The following PEBP4 variants were observed in gnomAD, a reference collection of about 807,000 sequenced individuals.
The protein encoded by PEBP4 is phosphatidylethanolamine binding protein 4, also known as phosphatidylethanolamine-binding protein 4.
In PEBP4, 22 loss-of-function variants were observed where a neutral mutation model predicts 23.9. The observed-to-expected ratio is 0.92, with a 90% CI of 0.66 to 1.31. The LOEUF is 1.31. Among genes scored for constraint, PEBP4 ranks in the 40% most tolerant of loss-of-function variants. The pLI is 0.00. For missense variants in PEBP4, 324 were observed against 281.7 expected, an observed-to-expected ratio of 1.15 and a Z score of -1.07; for synonymous variants, 112 against 99.3, an observed-to-expected ratio of 1.13 and a Z score of -0.76.
At chr8:22,779,082 G>T (rs563944833) in intron 4 of PEBP4, among the ~76,000 whole-genome samples, 1 of 146,344 alleles carries the variant, frequency 6.8e-6, no homozygotes, top group East Asian at 2.2e-4. Context: ...GGGAGGTGGG[G>T]GAGGAGGGGG....
chr8:22,890,275 A>G (rs1808467116), intron 3 of PEBP4, among the ~76,000 whole-genome samples: 1 of 152,248 alleles, frequency 6.6e-6, no homozygotes, highest in Non-Finnish European at 1.5e-5. Context: ...AGCTGCAGAC[A>G]TCAGTTCAGT....
At chr8:22,938,066 T>C (rs1261053812) in intron 1 of PEBP4, among the ~76,000 whole-genome samples, 2 of 151,980 alleles carry the variant, frequency 1.3e-5, no homozygotes, top group East Asian at 1.9e-4. Context: ...GCAGCAAAAG[T>C]AGACTGACAA....
chr8:22,939,671 G>A (rs1809583616), intron 1 of PEBP4, among the ~76,000 whole-genome samples: 1 of 151,718 alleles, frequency 6.6e-6, no homozygotes, highest in African/African-American at 2.4e-5. Flanking sequence ...GGAATTCATG[G>A]TGGCAATGAT....
Position 22,938,202 on chromosome 8 carries a change from G to A in PEBP4, c.145-10482C>T, listed in dbSNP as rs117786199. 3.5e-4 allele frequency among the ~76,000 whole-genome samples: 53 copies of A among 152,072 alleles called. 1 individual carries two copies. The East Asian group carries it at 6.4e-3, about 18-fold the overall frequency. On this transcript the variant is annotated intron_variant, in intron 1 of 1. Transcript: ENST00000522278. ...ACTGGTGTTCTCTAGAACCCCCTTC[G>A]ACAACACTGGCCACTCCGTCCTCTT...
At chr8:22,758,380 A>G (rs1340944773) in intron 4 of PEBP4, among the ~76,000 whole-genome samples, 1 of 152,212 alleles carries the variant, frequency 6.6e-6, no homozygotes, top group African/African-American at 2.4e-5. Flanking sequence ...TGGGCCACAT[A>G]TGGTTTTGGT....
chr8:22,729,507 G>A (rs189273185), intron 4 of PEBP4, among the ~76,000 whole-genome samples: 314 of 152,390 alleles, frequency 2.1e-3, no homozygotes, highest in African/African-American at 7.1e-3. Flanking sequence ...GAGCTGCAGT[G>A]GGTGGAAAGG....
At chr8:22,836,165 T>C (rs554021935) in intron 3 of PEBP4, among the ~76,000 whole-genome samples, 4 of 152,346 alleles carry the variant, frequency 2.6e-5, no homozygotes, top group Admixed American at 2.6e-4. Context: ...AAGATGGAGA[T>C]AATAATCAAA....
intron 4 of PEBP4, among the ~76,000 whole-genome samples, chr8:22,778,384 A>AATTTTTT (rs749969514): frequency 6.8e-6 from 1 of 147,308 alleles, no homozygotes. Flanking sequence ...CAGAGCTTGA[A>AATTTTTT]CTTTTTTTTT....
intron 4 of PEBP4, among the ~76,000 whole-genome samples, chr8:22,808,318 T>G (rs1806546696): frequency 6.6e-6 from 1 of 152,218 alleles, no homozygotes; most frequent in African/African-American, 2.4e-5. Context: ...TCTATCCCTC[T>G]ATCCATTCAC....
At position 22,855,017 on chromosome 8, in the gene PEBP4, CACACACACACACACACACACACACACAT is replaced by C. The variant is rs1392170017; in HGVS notation, c.259-37310_259-37283del. ...GTATGCACGCACACACACACACACA[CACACACACACACACACACACACACACAT>C]GCACCCCAGGAAAGAAAGGCGTTTT... On this transcript the variant is annotated intron_variant, in intron 3 of 6. Transcript: ENST00000256404. 1.6e-4 allele frequency among the ~76,000 whole-genome samples: 8 copies of C among 49,338 alleles called. No homozygotes were observed. In the South Asian group the frequency reaches 3.0e-3, roughly 19 times the overall value. The allele number at this position is 49,338 out of a possible 152,430, so 32.4% of individuals were successfully genotyped here.
Position 22,871,587 on chromosome 8 carries a change from ACT to A in PEBP4, c.258+48595_258+48596del, listed in dbSNP as rs1331794514. 3.3e-5 allele frequency among the ~76,000 whole-genome samples: 4 copies of A among 121,340 alleles called. No individual in the cohort carries two copies. The Admixed American group carries it at 4.0e-4, about 12-fold the overall frequency. 79.6% of individuals were successfully genotyped at this position (121,340 alleles called of 152,430 possible). A position where few individuals can be genotyped will look rare whatever the true frequency, so the allele number is the denominator to read the frequency against. ...TTTTTTTTTTTTAAGACCGAGTCTC[ACT>A]CTGTTGCCAGACTGGAGTGCAGTGG... is the stretch of plus-strand genomic sequence containing the variant. On this transcript the variant is annotated intron_variant, in intron 3 of 6. Transcript: ENST00000256404.
At chr8:22,877,813 T>G (rs1158062195) in intron 3 of PEBP4, among the ~76,000 whole-genome samples, 2 of 152,076 alleles carry the variant, frequency 1.3e-5, no homozygotes, top group South Asian at 2.1e-4. Flanking sequence ...ACACCTGCAG[T>G]GTGGGACGCA....
Position 22,765,116 on chromosome 8 carries a change from T to TTCCTTCCTTC in PEBP4, c.358-37897_358-37896insGAAGGAAGGA, listed in dbSNP as rs560144016. ...TTCTTTCCTTCTTCCTTCCTTTATT[T>TTCCTTCCTTC]CTTCCTTCCTTCCTTCCTTCCTTCC... On this transcript the variant is annotated intron_variant, in intron 4 of 6. Transcript: ENST00000256404. Among the ~76,000 whole-genome samples the TTCCTTCCTTC allele has an allele frequency of 6.7e-4, 97 of 145,008 alleles. 1 individual carries two copies. Among genetic ancestry groups the TTCCTTCCTTC allele is most frequent in the African/African-American group, 2.4e-3 (94 of 38,822 alleles).
chr8:22,796,257 C>CGT lies in PEBP4; in HGVS notation c.357+21378_357+21379dup, dbSNP rs34887072. 5.6e-3 allele frequency among the ~76,000 whole-genome samples: 840 copies of CGT among 149,854 alleles called. 3 individuals carry two copies. The highest frequency in any genetic ancestry group is 0.014 in the East Asian group (74 of 5,112). Reference sequence around the variant, plus strand: ...GTTTTCTCAGCAATTCTCAAGTGTGCGTGTGTGTGTGTGTGTGTGTGTGTG... The same window carrying CGT: ...GTTTTCTCAGCAATTCTCAAGTGTGCGTGTGTGTGTGTGTGTGTGTGTGTGTG... On this transcript the variant is annotated intron_variant, in intron 4 of 6. Transcript: ENST00000256404.
At chr8:22,912,902 C>T (rs1808974278) in intron 3 of PEBP4, among the ~76,000 whole-genome samples, 1 of 152,104 alleles carries the variant, frequency 6.6e-6, no homozygotes, top group African/African-American at 2.4e-5. Context: ...TGCTGCGCGC[C>T]CTCCTCACCT....
intron 4 of PEBP4, among the ~76,000 whole-genome samples, chr8:22,814,828 G>A (rs1266832506): frequency 6.6e-6 from 1 of 152,184 alleles, no homozygotes; most frequent in Non-Finnish European, 1.5e-5. Context: ...ACTGGGGACA[G>A]TTCCCTGGAA....
At chr8:22,906,353 G>A (rs117865221) in intron 3 of PEBP4, among the ~76,000 whole-genome samples, 704 of 152,320 alleles carry the variant, frequency 4.6e-3, no homozygotes, top group Non-Finnish European at 7.9e-3. Context: ...TGCCAAGTCA[G>A]TTCTGCAAGG....
intron 4 of PEBP4, among the ~76,000 whole-genome samples, chr8:22,766,441 C>A (rs2128753521): frequency 6.6e-6 from 1 of 152,376 alleles, no homozygotes; most frequent in East Asian, 1.9e-4. Flanking sequence ...AGATCCTTTC[C>A]TCAGACTGAA....
rs1243771443 is a variant in PEBP4, at chr8:22,909,151, C to T, written c.258+11033G>A. On this transcript the variant is annotated intron_variant, in intron 3 of 6. Coordinates refer to ENST00000256404, the MANE Select transcript of PEBP4 (RefSeq NM_144962.3). ...CTCACAGGTTCCTGGGGTAGGATGA[C>T]GGTCACCTATCTCCCCCTGGTGTCG... 2.6e-5 allele frequency among the ~76,000 whole-genome samples: 4 copies of T among 152,134 alleles called. No homozygotes were observed. The South Asian group carries it at 6.2e-4, about 24-fold the overall frequency.
Sources: allele counts gnomAD v4.1 joint callset (sites outside exome capture counted in the v4.1 genomes callset), GRCh38; gene constraint gnomAD v4.1.1; transcripts MANE v1.5; gene names NCBI Gene and HGNC (gene_info 2026-07-23, HGNC 2026-07-21).